Variants in KIF21A observed in about 807,000 individuals in gnomAD.
The protein encoded by KIF21A is kinesin family member 21A, also known as kinesin-like protein KIF21A.
In KIF21A, 114 loss-of-function variants were observed where a neutral mutation model predicts 202.9. The observed-to-expected ratio is 0.56, with a 90% CI of 0.48 to 0.66. KIF21A has a LOEUF of 0.66. Ranked by LOEUF, KIF21A falls within the 30% of genes least tolerant of loss-of-function variation. KIF21A has a pLI of 0.00. For synonymous variants in KIF21A, 667 were observed against 670.8 expected (o/e 0.99, Z 0.09); for missense variants, 1,677 against 1,994.9 (o/e 0.84, Z 3.04).
At chr12:39,359,576 T>A (rs1949045303) in intron 7 of KIF21A, among the ~76,000 whole-genome samples, 1 of 152,212 alleles carries the variant, frequency 6.6e-6, no homozygotes, top group Admixed American at 6.5e-5. Flanking sequence ...TTAAAATAAT[T>A]CATGCCATTT....
intron 1 of KIF21A, among the ~76,000 whole-genome samples, chr12:39,412,727 GA>G (rs958645158): frequency 2.0e-5 from 3 of 151,600 alleles, no homozygotes; most frequent in African/African-American, 4.8e-5. Flanking sequence ...CAAAAAAACA[GA>G]AAAAAAATTA....
At chr12:39,296,344 C>CA (rs1942368432) in intron 37 of KIF21A, among the ~76,000 whole-genome samples, 1 of 152,034 alleles carries the variant, frequency 6.6e-6, no homozygotes, top group Admixed American at 6.5e-5. Context: ...GCTGGGATTA[C>CA]AGGCATGAGC....
chr12:39,357,806 A>G (rs1056141652), intron 8 of KIF21A, among the ~76,000 whole-genome samples: 1 of 151,150 alleles, frequency 6.6e-6, no homozygotes, highest in Non-Finnish European at 1.5e-5. Context: ...GCTACTCAAG[A>G]GGCTGAGACA....
intron 1 of KIF21A, among the ~76,000 whole-genome samples, chr12:39,416,599 ATACATATATATATATATG>A (rs1314296144): frequency 8.4e-6 from 1 of 119,306 alleles, no homozygotes; most frequent in African/African-American, 4.4e-5. Context: ...CGCCTTAAAT[ATACATATATATATATATG>A]TACATATATA....
In KIF21A at chr12:39,351,949, C is replaced by T; in HGVS notation, c.1501G>A (p.Glu501Lys). The change falls in exon 11 of 38, where the codon GAG (glutamate) becomes AAG (lysine). Residue 501 changes from glutamate (E) to lysine (K), a missense_variant. Physicochemically the swap from Glu to Lys is moderately conservative, Grantham distance 56 (BLOSUM62 1). This residue lies in a region of KIF21A where 966 missense variants were observed against 1,180.9 expected (regional missense o/e 0.82). Transcript: ENST00000361418. ...AKLLESEAVN[E>K]NLRKNLTRAT... ...CTTGTCAAGTTTTTTCGAAGGTTCT[C>T]ATTCACTGCTTCACTTTCTAATAAT... 6.2e-7 allele frequency: 1 copy of T among 1,613,210 alleles called. No individual in the cohort carries two copies. The highest frequency in any genetic ancestry group is 8.5e-7 in the Non-Finnish European group (1 of 1,179,398).
Position 39,340,306 on chromosome 12 carries a change from C to G in KIF21A, c.2169G>C (p.Lys723Asn). Residue 723 changes from lysine to asparagine, a missense_variant, in exon 16 of 38, where the codon AAG (lysine) becomes AAC (asparagine). Transcript: ENST00000361418. Reference sequence around the variant, plus strand: ...GTTCTTTGTTCATGGCTTGGAGTTTCTTTTCATATTCAGACCTAACTTTTT... The same window carrying G: ...GTTCTTTGTTCATGGCTTGGAGTTTGTTTTCATATTCAGACCTAACTTTTT... ...KAKKVRSEYE[K>N]KLQAMNKELQ... The G allele has an allele frequency of 6.2e-7, 1 of 1,612,404 alleles. No individual in the cohort carries two copies. The highest frequency in any genetic ancestry group is 2.2e-5 in the East Asian group (1 of 44,778).
At chr12:39,379,741 GGCCACA>G (rs1325160906) in intron 1 of KIF21A, among the ~76,000 whole-genome samples, 4 of 152,078 alleles carry the variant, frequency 2.6e-5, no homozygotes, top group Non-Finnish European at 5.9e-5. Context: ...CTCTCCCAAA[GGCCACA>G]GCTCCTATTA....
intron 1 of KIF21A, among the ~76,000 whole-genome samples, chr12:39,416,631 GTATATA>G (rs796156140): frequency 8.7e-6 from 1 of 114,940 alleles, no homozygotes; most frequent in South Asian, 4.2e-4. Context: ...ATATATATGT[GTATATA>G]TATATATGTA....
chr12:39,403,681 T>C (rs369754542), intron 1 of KIF21A, among the ~76,000 whole-genome samples: 1 of 152,212 alleles, frequency 6.6e-6, no homozygotes, highest in Non-Finnish European at 1.5e-5. Flanking sequence ...ATAGATGTAA[T>C]AGTGACTATT....
Position 39,309,716 on chromosome 12 carries a change from G to A in KIF21A, c.4147C>T (p.Leu1383=), listed in dbSNP as rs1416916210. The A allele has an allele frequency of 6.2e-7, 1 of 1,613,286 alleles. No individual in the cohort carries two copies. Among genetic ancestry groups the A allele is most frequent in the Non-Finnish European group, 8.5e-7 (1 of 1,179,678 alleles). Residue 1383 remains leucine (L), a synonymous_variant, in exon 33 of 38, where the codon CTG becomes TTG. Transcript: ENST00000361418. ...ACGACATTGTTGGGATGACCCCCCA[G>A]TGACATTATTTCCTGCCCAGTCACC... ...NLVTGQEIMS[L]GGHPNNVVSV...
At chr12:39,382,420 A>G (rs1950670433) in intron 1 of KIF21A, among the ~76,000 whole-genome samples, 4 of 152,180 alleles carry the variant, frequency 2.6e-5, no homozygotes, top group Admixed American at 2.6e-4. Context: ...TTATATTGTG[A>G]TGATTCTAAG....
At chr12:39,320,862 G>A (rs1364851695) in intron 27 of KIF21A, among the ~76,000 whole-genome samples, 4 of 144,128 alleles carry the variant, frequency 2.8e-5, no homozygotes, top group Non-Finnish European at 4.5e-5. Context: ...TTGAAGCCAG[G>A]AGGCAGAGAC....
chr12:39,392,063 C>T (rs1216544654), intron 1 of KIF21A, among the ~76,000 whole-genome samples: 2 of 151,698 alleles, frequency 1.3e-5, no homozygotes, highest in African/African-American at 2.4e-5. Flanking sequence ...TTAAAAGAAG[C>T]GATTGATAAA....
intron 1 of KIF21A, among the ~76,000 whole-genome samples, chr12:39,392,813 T>A (rs1951465801): frequency 6.8e-6 from 1 of 147,716 alleles, no homozygotes; most frequent in African/African-American, 2.5e-5. Flanking sequence ...TGGGAAAATA[T>A]GTACTATTAA....
rs140498302 is a variant in KIF21A at position 39,364,179 on chromosome 12, C to T, written c.904-966G>A. 1.4e-3 allele frequency among the ~76,000 whole-genome samples: 210 copies of T among 152,278 alleles called. 1 individual carries two copies. Among genetic ancestry groups the T allele is most frequent in the African/African-American group, 4.9e-3 (203 of 41,536 alleles). On this transcript the variant is annotated intron_variant, in intron 6 of 37. Transcript: ENST00000361418. ...AACATTATCCAAAATGTTGTTCACA[C>T]TGGCCATCAGTAATGCAAACATCTA...
At chr12:39,325,498 A>ATTTTTTTTTTTT (rs397714587) in intron 26 of KIF21A, among the ~76,000 whole-genome samples, 10 of 121,442 alleles carry the variant, frequency 8.2e-5, no homozygotes, top group African/African-American at 3.5e-4. Context: ...CGCCCAGCTA[A>ATTTTTTTTTTTT]TTTTTTTTTT....
At chr12:39,434,443 T>C (rs1053553663) in intron 1 of KIF21A, among the ~76,000 whole-genome samples, 1 of 152,228 alleles carries the variant, frequency 6.6e-6, no homozygotes, top group Non-Finnish European at 1.5e-5. Context: ...CAGTTGGTTA[T>C]ACCAACTTTA....
rs565900435 is a variant in KIF21A, at chr12:39,319,879, A to G, written c.3779+27T>C. The G allele has an allele frequency of 2.6e-5, 33 of 1,262,396 alleles. No individual in the cohort carries two copies. In the East Asian group the frequency reaches 7.5e-4, roughly 29 times the overall value. The allele number at this position is 1,262,396 out of a possible 1,614,324, so 78.2% of individuals were successfully genotyped here. ...GTGCAGCAGGCATTTAATACAGTCT[A>G]GCAGGTAAAAAACATTAGTCACTTA... On this transcript the variant is annotated intron_variant, in intron 28 of 37. Coordinates refer to ENST00000361418, the MANE Select transcript of KIF21A (RefSeq NM_001173464.2).
chr12:39,416,350 C>A (rs774147680), intron 1 of KIF21A, among the ~76,000 whole-genome samples: 26 of 151,956 alleles, frequency 1.7e-4, no homozygotes, highest in Non-Finnish European at 3.2e-4. Flanking sequence ...AATCCCAACA[C>A]TTTGGGAGGC....
Sources: gnomAD v4.1 joint callset for allele counts (sites outside exome capture counted in the v4.1 genomes callset) on GRCh38, gnomAD v4.1.1 for gene constraint, gnomAD v4.1.1 regional missense constraint, MANE v1.5 for transcripts, NCBI Gene and HGNC (gene_info 2026-07-23, HGNC 2026-07-21) for gene names.